Variants in FBXW4 observed in about 807,000 individuals in gnomAD.
FBXW4 encodes F-box and WD repeat domain containing 4, also known as F-box/WD repeat-containing protein 4.
Under a neutral mutation model 61.8 loss-of-function variants are expected in FBXW4, and 40 were observed. The ratio of observed to expected loss-of-function variants is 0.65; its 90% CI spans 0.50 to 0.84. The LOEUF (loss-of-function observed/expected upper bound fraction) is 0.84, where lower values mean the gene tolerates loss of function less well. FBXW4 is among the 40% of genes least tolerant of loss of function. FBXW4 has a pLI of 0.00. For synonymous variants in FBXW4, 311 were observed against 313.8 expected, an observed-to-expected ratio of 0.99 and a Z score of 0.10; for missense variants, 672 against 753.8, an observed-to-expected ratio of 0.89 and a Z score of 1.27.
At chr10:101,663,011 C>T (rs975468493) in intron 5 of FBXW4, among the ~76,000 whole-genome samples, 3 of 152,308 alleles carry the variant, frequency 2.0e-5, no homozygotes, top group East Asian at 1.9e-4. Context: ...AGCTACCATC[C>T]AAGATGCTGG....
chr10:101,637,623 G>A (rs1459079398), intron 5 of FBXW4, among the ~76,000 whole-genome samples: 1 of 144,340 alleles, frequency 6.9e-6, no homozygotes, highest in Non-Finnish European at 1.5e-5. Context: ...CATGAGAATT[G>A]TGGGAGGCAG....
At chr10:101,679,187 C>A (rs1049661481) in intron 1 of FBXW4, among the ~76,000 whole-genome samples, 11 of 152,140 alleles carry the variant, frequency 7.2e-5, no homozygotes, top group African/African-American at 2.4e-4. Flanking sequence ...TGGCCTCAAG[C>A]AATCCTCCTG....
chr10:101,644,161 G>C (rs1254919211), intron 5 of FBXW4, among the ~76,000 whole-genome samples: 1 of 152,198 alleles, frequency 6.6e-6, no homozygotes, highest in African/African-American at 2.4e-5. Context: ...AATTAGCTGA[G>C]GGCTTTTCAG....
intron 5 of FBXW4, among the ~76,000 whole-genome samples, chr10:101,629,204 C>T (rs2063930871): frequency 6.6e-6 from 1 of 152,248 alleles, no homozygotes; most frequent in African/African-American, 2.4e-5. Flanking sequence ...TTACTGAGCA[C>T]TTACTATGTG....
intron 2 of FBXW4, among the ~76,000 whole-genome samples, 189 bp downstream of exon 2, chr10:101,676,152 T>C (rs1055032247): frequency 6.6e-6 from 1 of 152,200 alleles, no homozygotes; most frequent in Admixed American, 6.5e-5. Flanking sequence ...TTAAAGTACA[T>C]TTCTTGTATT....
At chr10:101,633,954 T>C (rs1359364915) in intron 5 of FBXW4, among the ~76,000 whole-genome samples, 6 of 151,588 alleles carry the variant, frequency 4.0e-5, no homozygotes, top group South Asian at 2.1e-4. Context: ...AAAAAATATA[T>C]ATATATAAAT....
At chr10:101,690,528 A>C (rs763128561) in intron 1 of FBXW4, among the ~76,000 whole-genome samples, 5 of 152,214 alleles carry the variant, frequency 3.3e-5, no homozygotes, top group Non-Finnish European at 7.4e-5. Context: ...AAGAGGCCTA[A>C]AGGGAAGCAA....
At chr10:101,688,954 C>T (rs1408814367) in intron 1 of FBXW4, among the ~76,000 whole-genome samples, 2 of 152,130 alleles carry the variant, frequency 1.3e-5, no homozygotes, top group African/African-American at 4.8e-5. Flanking sequence ...AGAAACTAAT[C>T]CAGTGCCAGG....
intron 1 of FBXW4, among the ~76,000 whole-genome samples, chr10:101,691,601 AT>A (rs1467350909): frequency 6.6e-6 from 1 of 152,172 alleles, no homozygotes; most frequent in Non-Finnish European, 1.5e-5. Context: ...CAGAATGTAG[AT>A]TCATTCCCAA....
chr10:101,655,657 A>C lies in FBXW4; in HGVS notation c.1235+12229T>G, dbSNP rs571023365. Among the ~76,000 whole-genome samples, 88 of 152,294 alleles carry C rather than the reference A, an allele frequency of 5.8e-4. 1 individual carries two copies. The highest frequency in any genetic ancestry group is 2.1e-3 in the African/African-American group (87 of 41,528). ...GACCCAGGTTTCTCTAGGACAGCTA[A>C]AGCTGCAGCTGCAACAAGGCGGAAA... On this transcript the variant is annotated intron_variant, in intron 5 of 8. Coordinates refer to ENST00000331272, the MANE Select transcript of FBXW4 (RefSeq NM_022039.4).
At chr10:101,635,799 CCA>C (rs1222786500) in intron 5 of FBXW4, among the ~76,000 whole-genome samples, 1 of 151,022 alleles carries the variant, frequency 6.6e-6, no homozygotes, top group African/African-American at 2.4e-5. Context: ...TATGATTACA[CCA>C]CTGTACTCCA....
chr10:101,686,647 G>A (rs1335959656), intron 1 of FBXW4, among the ~76,000 whole-genome samples: 1 of 152,060 alleles, frequency 6.6e-6, no homozygotes, highest in African/African-American at 2.4e-5. Context: ...CTGCTTCCCA[G>A]GGTTGTTTTT....
intron 5 of FBXW4, among the ~76,000 whole-genome samples, chr10:101,640,731 G>C (rs930031171): frequency 6.6e-6 from 1 of 150,594 alleles, no homozygotes; most frequent in African/African-American, 2.5e-5. Flanking sequence ...CTCCTGGCTG[G>C]TCTCACGCTC....
At position 101,635,345 on chromosome 10, in the gene FBXW4, C is replaced by T. The variant is rs541522109; in HGVS notation, c.1236-10535G>A. On this transcript the variant is annotated intron_variant, in intron 5 of 8. Transcript: ENST00000331272. Reference sequence around the variant, plus strand: ...TGTATAATTATTTCATTATATATTACAATATAATAATAATAGAAATAAAGT... The same window carrying T: ...TGTATAATTATTTCATTATATATTATAATATAATAATAATAGAAATAAAGT... 2.9e-4 allele frequency among the ~76,000 whole-genome samples: 44 copies of T among 151,766 alleles called. No individual in the cohort carries two copies. The East Asian group carries it at 7.5e-3, about 26-fold the overall frequency.
rs1564922520 is a variant in FBXW4 at position 101,672,961 on chromosome 10, C to T, written c.1094G>A (p.Cys365Tyr). 2.5e-6 allele frequency: 4 copies of T among 1,614,054 alleles called. No individual in the cohort carries two copies. Among genetic ancestry groups the T allele is most frequent in the Admixed American group, 1.7e-5 (1 of 60,016 alleles). The change falls in exon 4 of 9, where the codon TGC becomes TAC. Residue 365 changes from cysteine to tyrosine, a missense_variant. Physicochemically the swap from Cys to Tyr is radical, Grantham distance 194. Transcript: ENST00000331272. The stretch of plus-strand genomic sequence containing the variant: ...GCCACTCACAATGATGCCCCCTTTG[C>T]AATCCACACAGTTCACCTCCTGTTC... ...AHEQEVNCVDCKGGIIVSGSR... is the reference protein window; with the variant it reads ...AHEQEVNCVDYKGGIIVSGSR...
chr10:101,694,923 C>G lies in FBXW4; in HGVS notation c.183G>C (p.Gly61=). Residue 61 remains glycine (G), a synonymous_variant, in exon 1 of 9, where the codon GGG becomes GGC. Transcript: ENST00000331272. This position sits in a 1 kb window ranked among gnomAD's most constrained non-coding sequence, Gnocchi z 6.0. ...CGGCTGCCTCCTTCGCCGTCTGCGGCCCGGGCTTCCCTTCCGCCCCGCTTC... is the reference window on the plus strand; with the variant it reads ...CGGCTGCCTCCTTCGCCGTCTGCGGGCCGGGCTTCCCTTCCGCCCCGCTTC... The part of the protein sequence containing the change: ...GRGSGAEGKP[G]PQTAKEAAGP... 1 of 1,240,076 alleles carries G rather than the reference C, an allele frequency of 8.1e-7. No homozygotes were observed. Among genetic ancestry groups the G allele is most frequent in the Non-Finnish European group, 1.0e-6 (1 of 992,666 alleles). The allele number at this position is 1,240,076 out of a possible 1,614,324, so 76.8% of individuals were successfully genotyped here. A position where few individuals can be genotyped will look rare whatever the true frequency, so the allele number is the denominator to read the frequency against.
intron 1 of FBXW4, among the ~76,000 whole-genome samples, chr10:101,679,959 C>T (rs1442120032): frequency 6.6e-6 from 1 of 152,160 alleles, no homozygotes; most frequent in East Asian, 1.9e-4. Flanking sequence ...CATGCCTTAG[C>T]TCCCACTTAT....
At chr10:101,634,755 C>T (rs1217272123) in intron 5 of FBXW4, among the ~76,000 whole-genome samples, 2 of 148,234 alleles carry the variant, frequency 1.3e-5, no homozygotes, top group Non-Finnish European at 3.0e-5. Context: ...AGGAGATAAA[C>T]ATTTTTAAAC....
chr10:101,629,872 A>T (rs1394868467), intron 5 of FBXW4, among the ~76,000 whole-genome samples: 1 of 152,122 alleles, frequency 6.6e-6, no homozygotes, highest in African/African-American at 2.4e-5. Context: ...AAATGACTCC[A>T]CCTGGAAGAA....
Sources: gnomAD v4.1 joint callset for allele counts (sites outside exome capture counted in the v4.1 genomes callset) on GRCh38, gnomAD v4.1.1 for gene constraint, Gnocchi (gnomAD v3.1) non-coding constraint, MANE v1.5 for transcripts, NCBI Gene and HGNC (gene_info 2026-07-23, HGNC 2026-07-21) for gene names.